The following NLRP12 variants were observed in gnomAD, a reference collection of about 807,000 sequenced individuals.
NLRP12 encodes the protein NLR family pyrin domain containing 12.
In NLRP12, 108 loss-of-function variants were observed where a neutral mutation model predicts 91.2. The ratio of observed to expected loss-of-function variants is 1.18; its 90% confidence interval spans 1.01 to 1.39. The LOEUF (loss-of-function observed/expected upper bound fraction) is 1.39. Among genes scored for constraint, NLRP12 ranks in the 40% most tolerant of loss-of-function variants. The pLI is 0.00. For missense variants in NLRP12, 1,530 were observed against 1,352.7 expected, an observed-to-expected ratio of 1.13 and a Z score of -2.06; for synonymous variants, 613 against 566.7, an observed-to-expected ratio of 1.08 and a Z score of -1.16.
chr19:53,809,584 T>TACAGCTG lies in NLRP12; in HGVS notation c.2068_2072+2dup. ...CCCCAGGGGATACCCCAGGGATACT[T>TACAGCTG]ACAGCTGCACCAACAGCGTGTGCGC... On this transcript the variant is annotated splice_region_variant and intron_variant, in intron 3 of 9. Coordinates refer to ENST00000324134, the MANE Select transcript of NLRP12 (RefSeq NM_144687.4). The TACAGCTG allele has an allele frequency of 1.2e-6, 2 of 1,604,598 alleles. No individual in the cohort carries two copies. The highest frequency in any genetic ancestry group is 1.7e-6 in the Non-Finnish European group (2 of 1,176,090).
At chr19:53,819,447 A>ATGTGTGTG (rs1401991028) in intron 1 of NLRP12, among the ~76,000 whole-genome samples, 2 of 17,080 alleles carry the variant, frequency 1.2e-4, no homozygotes, top group African/African-American at 3.8e-4. Flanking sequence ...ATATATATAT[A>ATGTGTGTG]TATATATATA....
rs537547545 is a variant in NLRP12, at chr19:53,820,413, C to T, written c.289+3473G>A. Among the ~76,000 whole-genome samples the T allele has an allele frequency of 3.9e-5, 6 of 152,110 alleles. No individual in the cohort carries two copies. The East Asian group carries it at 9.7e-4, about 25-fold the overall frequency. On this transcript the variant is annotated intron_variant, in intron 1 of 9. Transcript: ENST00000324134. ...GGTGTGGTGGCACGCACCTGTAGTCCCAGCTACTCAGGAGGCTGAGGCAGG... is the reference window on the plus strand; with the variant it reads ...GGTGTGGTGGCACGCACCTGTAGTCTCAGCTACTCAGGAGGCTGAGGCAGG...
Position 53,799,300 on chromosome 19 carries a change from G to A in NLRP12, c.2757-887C>T, listed in dbSNP as rs576055427. Among the ~76,000 whole-genome samples the A allele has an allele frequency of 1.3e-4, 20 of 151,996 alleles. No individual in the cohort carries two copies. The East Asian group carries it at 2.3e-3, about 18-fold the overall frequency. On this transcript the variant is annotated intron_variant, in intron 7 of 9. Coordinates refer to ENST00000324134, the MANE Select transcript of NLRP12 (RefSeq NM_144687.4). ...GCTGGGTTTACAGGCATGAGCCACC[G>A]CGCCCAGCCGCGTGTGTGATTTTTT...
Position 53,803,947 on chromosome 19 carries a change from C to CAGGTTGTTGCTCTG in NLRP12, c.2585+4_2585+5insCAGAGCAACAACCT. 1 of 1,613,782 alleles carries CAGGTTGTTGCTCTG rather than the reference C, an allele frequency of 6.2e-7. No individual in the cohort carries two copies. On this transcript the variant is annotated splice_donor_region_variant and intron_variant, in intron 6 of 9. Coordinates refer to ENST00000324134, the MANE Select transcript of NLRP12 (RefSeq NM_144687.4). Reference sequence around the variant, plus strand: ...TTATTATAGTTGACCCCAGGAAGAACTCACCACAAAGTCCGTAGTCTGCAG... The same window carrying CAGGTTGTTGCTCTG: ...TTATTATAGTTGACCCCAGGAAGAACAGGTTGTTGCTCTGTCACCACAAAGTCCGTAGTCTGCAG...
At position 53,807,551 on chromosome 19, in the gene NLRP12, C is replaced by A. The variant is rs759367681; in HGVS notation, c.2187G>T (p.Gly729=). The change falls in exon 4 of 10, where the codon GGG becomes GGT. Residue 729 remains glycine, a synonymous_variant. Coordinates refer to ENST00000324134, the MANE Select transcript of NLRP12 (RefSeq NM_144687.4). ...TGAGTCCTTGACAGAGCAGCTTCAC[C>A]CCCCGGCTGCCCAGGGCATTTCGGT... ...SLYRNALGSR[G]VKLLCQGLRH... is the part of the protein sequence containing the mutation. 1.2e-6 allele frequency: 2 copies of A among 1,614,118 alleles called. No homozygotes were observed. Among genetic ancestry groups the A allele is most frequent in the Admixed American group, 1.7e-5 (1 of 60,004 alleles).
In NLRP12 at chr19:53,801,255, GCCTGAGGCCCTCACACAGCAGCAGCAC is replaced by G. The variant is rs1201382371; in HGVS notation, c.2701_2727del (p.Val901_Arg909del). ...AGGGTCTGGAGCTTGCACGTGGGAT[GCCTGAGGCCCTCACACAGCAGCAGCAC>G]CCCGAGGTCCCCCAGCTCATTCAGG... is the stretch of plus-strand genomic sequence containing the variant. On this transcript the variant is annotated inframe_deletion, in exon 7 of 10. Transcript: ENST00000324134. The G allele has an allele frequency of 6.2e-7, 1 of 1,613,936 alleles. No homozygotes were observed. The highest frequency in any genetic ancestry group is 1.3e-5 in the African/African-American group (1 of 74,956).
At position 53,801,404 on chromosome 19, in the gene NLRP12, A is replaced by G. The variant is rs979210892; in HGVS notation, c.2586-7T>C. On this transcript the variant is annotated splice_polypyrimidine_tract_variant and splice_region_variant and intron_variant, in intron 6 of 9. Transcript: ENST00000324134. ...GAGGCGGCAGATCTTCAGCCTGCACAAAGTCCAATTCAACAAGCATTATGG... is the reference window on the plus strand; with the variant it reads ...GAGGCGGCAGATCTTCAGCCTGCACGAAGTCCAATTCAACAAGCATTATGG... The G allele has an allele frequency of 8.1e-6, 13 of 1,613,386 alleles. No homozygotes were observed. The highest frequency in any genetic ancestry group is 1.3e-5 in the African/African-American group (1 of 74,770).
At chr19:53,819,052 C>A (rs954014371) in intron 1 of NLRP12, among the ~76,000 whole-genome samples, 1 of 152,078 alleles carries the variant, frequency 6.6e-6, no homozygotes, top group Non-Finnish European at 1.5e-5. Context: ...CGGATGCAGT[C>A]CGGGGAAGAA....
At position 53,795,842 on chromosome 19, in the gene NLRP12, T is replaced by C. The variant is rs759265824; in HGVS notation, c.3098+17A>G. 76 of 1,613,378 alleles carry C rather than the reference T, an allele frequency of 4.7e-5. No homozygotes were observed. The South Asian group carries it at 7.8e-4, about 17-fold the overall frequency. On this transcript the variant is annotated intron_variant, in intron 9 of 9. Coordinates refer to ENST00000324134, the MANE Select transcript of NLRP12 (RefSeq NM_144687.4). ...ATGTCCAGCCTCCTCCAGAAAGAAC[T>C]GGTCATCATCCCTCACCAGAGGACT...
chr19:53,817,939 C>A (rs990395631), intron 1 of NLRP12, among the ~76,000 whole-genome samples: 1 of 150,930 alleles, frequency 6.6e-6, no homozygotes. Flanking sequence ...TGTACAACCA[C>A]GACCAGCTAA....
In NLRP12 at chr19:53,793,836, C is replaced by T. The variant is rs920729190; in HGVS notation, c.*213G>A. ...TCCTGACCTCGTGATCCACCTGCCTCGGCCTCTCGAAGTGCTAGGATTACA... is the reference window on the plus strand; with the variant it reads ...TCCTGACCTCGTGATCCACCTGCCTTGGCCTCTCGAAGTGCTAGGATTACA... On this transcript the variant is annotated 3_prime_UTR_variant, in exon 10 of 10. Coordinates refer to ENST00000324134, the MANE Select transcript of NLRP12 (RefSeq NM_144687.4). 1.7e-5 allele frequency: 11 copies of T among 635,144 alleles called. No homozygotes were observed. The highest frequency in any genetic ancestry group is 1.6e-4 in the African/African-American group (9 of 55,428). 39.3% of individuals were successfully genotyped at this position (635,144 alleles called of 1,614,324 possible).
intron 4 of NLRP12, chr19:53,805,912 G>T: frequency 4.6e-6 from 1 of 216,780 alleles, no homozygotes; most frequent in Non-Finnish European, 9.4e-6. Flanking sequence ...ATGCTTTGTA[G>T]TCAAATACAT....
chr19:53,819,663 G>T (rs1202287473), intron 1 of NLRP12, among the ~76,000 whole-genome samples: 1 of 16,846 alleles, frequency 5.9e-5, no homozygotes, highest in African/African-American at 2.1e-4. Flanking sequence ...ATATACACAT[G>T]TATACATATA....
intron 7 of NLRP12, among the ~76,000 whole-genome samples, chr19:53,799,428 G>A (rs1290430366): frequency 6.6e-6 from 1 of 151,930 alleles, no homozygotes; most frequent in African/African-American, 2.4e-5. Context: ...GATACAGTTG[G>A]CATAGCTCCT....
chr19:53,809,746 A>C lies in NLRP12; in HGVS notation c.1913T>G (p.Val638Gly). 1 of 1,614,072 alleles carries C rather than the reference A, an allele frequency of 6.2e-7. No individual in the cohort carries two copies. Among genetic ancestry groups the C allele is most frequent in the Non-Finnish European group, 8.5e-7 (1 of 1,180,010 alleles). The change falls in exon 3 of 10, where the codon GTC (valine) becomes GGC (glycine). Residue 638 changes from valine to glycine, a missense_variant. Coordinates refer to ENST00000324134, the MANE Select transcript of NLRP12 (RefSeq NM_144687.4). Reference sequence around the variant, plus strand: ...CTCCATCTTGGAGGCAATGTTGCTGACCACGATCACCTGGAAGTGGCTCAG... The same window carrying C: ...CTCCATCTTGGAGGCAATGTTGCTGCCCACGATCACCTGGAAGTGGCTCAG... ...QALSHFQVIV[V>G]SNIASKMEHM...
At chr19:53,821,565 G>A (rs963453193) in intron 1 of NLRP12, among the ~76,000 whole-genome samples, 1 of 152,070 alleles carries the variant, frequency 6.6e-6, no homozygotes, top group East Asian at 2.0e-4. Flanking sequence ...CTACTCGGGA[G>A]GCTGAGGCAG....
chr19:53,816,735 T>G (rs899393279), intron 1 of NLRP12, among the ~76,000 whole-genome samples: 8 of 151,410 alleles, frequency 5.3e-5, no homozygotes, highest in African/African-American at 1.9e-4. Context: ...AGAGATGCGG[T>G]TTGACCATGT....
chr19:53,798,912 T>G (rs2091819613), intron 7 of NLRP12, among the ~76,000 whole-genome samples: 1 of 152,102 alleles, frequency 6.6e-6, no homozygotes, highest in Non-Finnish European at 1.5e-5. Flanking sequence ...CGGCTAATTT[T>G]TGTATTTTTA....
intron 7 of NLRP12, among the ~76,000 whole-genome samples, chr19:53,800,195 C>T (rs1212126292): frequency 6.6e-6 from 1 of 152,202 alleles, no homozygotes; most frequent in East Asian, 1.9e-4. Flanking sequence ...GTCCCAGCTA[C>T]TCGGGAGGCT....
Sources: gnomAD v4.1 joint callset for allele counts (sites outside exome capture counted in the v4.1 genomes callset) on GRCh38, gnomAD v4.1.1 for gene constraint, MANE v1.5 for transcripts, NCBI Gene and HGNC (gene_info 2026-07-23, HGNC 2026-07-21) for gene names.